Variants in PCDHGA5 observed in about 807,000 individuals in gnomAD.
PCDHGA5 encodes protocadherin gamma-A5.
PCDHGA5 carries 36 observed loss-of-function variants against 56.7 expected under a neutral mutation model. The observed-to-expected ratio is 0.64, with a 90% CI of 0.49 to 0.84. The LOEUF is 0.84. Ranked by LOEUF, PCDHGA5 falls within the 40% of genes least tolerant of loss-of-function variation. The pLI is 0.00. For synonymous variants in PCDHGA5, 563 were observed against 520.2 expected, an observed-to-expected ratio of 1.08 and a Z score of -1.12; for missense variants, 1,305 against 1,201.5, an observed-to-expected ratio of 1.09 and a Z score of -1.27.
rs1012728568 is a variant in PCDHGA5 at position 141,495,487 on chromosome 5, T to C, written c.2480+622T>C. Among the ~76,000 whole-genome samples, 22 of 152,328 alleles carry C rather than the reference T, an allele frequency of 1.4e-4. 1 individual carries two copies. The East Asian group carries it at 4.1e-3, about 28-fold the overall frequency. ...GGGGTCTCCGTGTCTCTGCCCCTTT[T>C]TCTTGAGTTTCCGTCTTTGCCACTT... On this transcript the variant is annotated intron_variant, in intron 2 of 3. Coordinates refer to ENST00000518069, the MANE Select transcript of PCDHGA5 (RefSeq NM_018918.3).
chr5:141,370,949 C>A (rs1317760178), intron 1 of PCDHGA5: 2 of 1,613,980 alleles, frequency 1.2e-6, no homozygotes, highest in East Asian at 2.2e-5. Context: ...AGAAGGAGAA[C>A]CTGGATGGCA....
rs70988800 is a variant in PCDHGA5 at position 141,379,889 on chromosome 5, C to CTTTTTTTTTTTTTTTT, written c.2421+13153_2421+13168dup. 2.0e-3 allele frequency among the ~76,000 whole-genome samples: 102 copies of CTTTTTTTTTTTTTTTT among 50,818 alleles called. 16 individuals carry two copies. The highest frequency in any genetic ancestry group is 2.6e-3 in the Non-Finnish European group (66 of 25,878). The allele number at this position is 50,818 out of a possible 152,430, so 33.3% of individuals were successfully genotyped here. On this transcript the variant is annotated intron_variant, in intron 1 of 3. Transcript: ENST00000518069. Reference sequence around the variant, plus strand: ...CTTATTTTATGGTCTGTGAAAGCCTCTTTTTTTTTTTTTTTTTTTTTTTTT... The same window carrying CTTTTTTTTTTTTTTTT: ...CTTATTTTATGGTCTGTGAAAGCCTCTTTTTTTTTTTTTTTTTTTTTTTTTTTTTTTTTTTTTTTTT...
chr5:141,444,589 C>A (rs1198742574), intron 1 of PCDHGA5, among the ~76,000 whole-genome samples: 1 of 152,068 alleles, frequency 6.6e-6, no homozygotes, highest in Non-Finnish European at 1.5e-5. Context: ...TTTCTACTTA[C>A]CTTATTTAAA....
Position 141,491,498 on chromosome 5 carries a change from C to G in PCDHGA5, c.2422-3309C>G. Reference sequence around the variant, plus strand: ...TCCAGCCCCAACCTGCAGGTGAGCTCGGACGGCACGCTCAAGTACATGGAG... The same window carrying G: ...TCCAGCCCCAACCTGCAGGTGAGCTGGGACGGCACGCTCAAGTACATGGAG... On this transcript the variant is annotated intron_variant, in intron 1 of 3. Transcript: ENST00000518069. The surrounding 1 kb of genome is among the most constrained non-coding windows in gnomAD (Gnocchi z 6.9). The G allele has an allele frequency of 6.2e-7, 1 of 1,614,102 alleles. No homozygotes were observed. Among genetic ancestry groups the G allele is most frequent in the Non-Finnish European group, 8.5e-7 (1 of 1,180,018 alleles).
Position 141,366,283 on chromosome 5 carries a change from G to A in PCDHGA5, c.1953G>A (p.Gln651=), listed in dbSNP as rs1283624984. 10 of 1,613,592 alleles carry A rather than the reference G, an allele frequency of 6.2e-6. No individual in the cohort carries two copies. Among genetic ancestry groups the A allele is most frequent in the Non-Finnish European group, 8.5e-6 (10 of 1,180,016 alleles). ...TGGTGGCCGTCGAAGACCATGGCCA[G>A]CCCCCTCTGTCAGCCACCTTCACGG... is the stretch of plus-strand genomic sequence containing the variant. ...SLVVAVEDHG[Q]PPLSATFTVT... is the part of the protein sequence containing the mutation. The change falls in exon 1 of 4, where the codon CAG becomes CAA. Residue 651 remains glutamine (Q), a synonymous_variant. Coordinates refer to ENST00000518069, the MANE Select transcript of PCDHGA5 (RefSeq NM_018918.3).
Position 141,432,410 on chromosome 5 carries a change from T to C in PCDHGA5, c.2422-62397T>C. On this transcript the variant is annotated intron_variant, in intron 1 of 3. Transcript: ENST00000518069. This position sits in a 1 kb window ranked among gnomAD's most constrained non-coding sequence, Gnocchi z 6.0. The stretch of plus-strand genomic sequence containing the variant: ...CAGCAGCAACGTGTCGTTGAGCCTG[T>C]TCGTGCTGGACCAGAACGACAATGC... 6.2e-7 allele frequency: 1 copy of C among 1,614,228 alleles called. No homozygotes were observed. Among genetic ancestry groups the C allele is most frequent in the East Asian group, 2.2e-5 (1 of 44,884 alleles).
chr5:141,484,277 G>T (rs1026083889), intron 1 of PCDHGA5, among the ~76,000 whole-genome samples: 1 of 152,126 alleles, frequency 6.6e-6, no homozygotes, highest in South Asian at 2.1e-4. Context: ...TTACTGTTTT[G>T]AAACATCTCC....
intron 1 of PCDHGA5, chr5:141,395,603 G>C: frequency 5.0e-6 from 1 of 198,204 alleles, no homozygotes; most frequent in Non-Finnish European, 1.0e-5. Context: ...TCCCAAACTA[G>C]AACTTCAGAA....
chr5:141,399,310 A>G, intron 1 of PCDHGA5: 2 of 1,613,936 alleles, frequency 1.2e-6, no homozygotes, highest in Non-Finnish European at 1.7e-6. Context: ...CTCTTCATCC[A>G]AAAATTCGTA....
At chr5:141,372,314 G>T (rs369724462) in intron 1 of PCDHGA5, 1 of 1,613,578 alleles carries the variant, frequency 6.2e-7, no homozygotes, top group East Asian at 2.2e-5. Context: ...CCGCCCGCCA[G>T]CGCCTGCTGG....
At chr5:141,418,307 A>C (rs372854408) in intron 1 of PCDHGA5, 24 of 1,613,982 alleles carry the variant, frequency 1.5e-5, no homozygotes, top group Non-Finnish European at 2.0e-5. Context: ...CAGCCTGGGG[A>C]TGGGAACAAT....
chr5:141,489,380 A>T lies in PCDHGA5; in HGVS notation c.2422-5427A>T, dbSNP rs753226956. 1 of 1,613,874 alleles carries T rather than the reference A, an allele frequency of 6.2e-7. No homozygotes were observed. The highest frequency in any genetic ancestry group is 2.2e-5 in the East Asian group (1 of 44,872). On this transcript the variant is annotated intron_variant, in intron 1 of 3. Transcript: ENST00000518069. The surrounding 1 kb of genome is among the most constrained non-coding windows in gnomAD (Gnocchi z 4.5). ...TCTGAGCCGGGGACGCTGGTGGGGA[A>T]TGTTGCTCAGGATCTGGGCTTAAAG... is the stretch of plus-strand genomic sequence containing the variant.
chr5:141,364,663 G>A lies in PCDHGA5; in HGVS notation c.333G>A (p.Glu111=). ...TGGTGAACTTTAACATCTTGGTTGAGAACAAAATGAAAATTTATGGAGTAG... is the reference window on the plus strand; with the variant it reads ...TGGTGAACTTTAACATCTTGGTTGAAAACAAAATGAAAATTTATGGAGTAG... ...LCVVNFNILV[E]NKMKIYGVEV... is the part of the protein sequence containing the mutation. Residue 111 remains glutamate (E), a synonymous_variant, in exon 1 of 4, where the codon GAG becomes GAA. Coordinates refer to ENST00000518069, the MANE Select transcript of PCDHGA5 (RefSeq NM_018918.3). 6.2e-7 allele frequency: 1 copy of A among 1,614,042 alleles called. No individual in the cohort carries two copies. Among genetic ancestry groups the A allele is most frequent in the Non-Finnish European group, 8.5e-7 (1 of 1,179,910 alleles).
chr5:141,382,839 T>A lies in PCDHGA5; in HGVS notation c.2421+16088T>A. 4 of 1,450,270 alleles carry A rather than the reference T, an allele frequency of 2.8e-6. No individual in the cohort carries two copies. In the South Asian group the frequency reaches 5.5e-5, roughly 20 times the overall value. 89.8% of individuals were successfully genotyped at this position (1,450,270 alleles called of 1,614,324 possible). A position where few individuals can be genotyped will look rare whatever the true frequency, so the allele number is the denominator to read the frequency against. On this transcript the variant is annotated intron_variant, in intron 1 of 3. Coordinates refer to ENST00000518069, the MANE Select transcript of PCDHGA5 (RefSeq NM_018918.3). ...CCTAAGACAGAGGGGTCCACCCGGA[T>A]ACACCCGCATTCTGAAGCACTTCCC...
intron 1 of PCDHGA5, among the ~76,000 whole-genome samples, chr5:141,460,124 A>AAT (rs2098982741): frequency 6.6e-6 from 1 of 152,052 alleles, no homozygotes; most frequent in African/African-American, 2.4e-5. Context: ...TTATATATGT[A>AAT]ATATATATAT....
chr5:141,476,839 G>A lies in PCDHGA5; in HGVS notation c.2422-17968G>A, dbSNP rs372676286. The A allele has an allele frequency of 5.0e-6, 8 of 1,613,490 alleles. No homozygotes were observed. Among genetic ancestry groups the A allele is most frequent in the South Asian group, 1.1e-5 (1 of 91,088 alleles). On this transcript the variant is annotated intron_variant, in intron 1 of 3. Transcript: ENST00000518069. The surrounding 1 kb of genome is among the most constrained non-coding windows in gnomAD (Gnocchi z 7.6). ...AGGTGCTGGACGCGAATGACAATGC[G>A]CCTGTCTTCAACCAGTCCTTGTACC...
In PCDHGA5 at chr5:141,511,342, C is replaced by G. The variant is rs2099883728; in HGVS notation, c.*169C>G. The stretch of plus-strand genomic sequence containing the variant: ...AACAAGTGCCCAGTCAGCACCTACC[C>G]CTTCCCCCCCAGGGGGTTGAATATG... On this transcript the variant is annotated 3_prime_UTR_variant, in exon 4 of 4. Coordinates refer to ENST00000518069, the MANE Select transcript of PCDHGA5 (RefSeq NM_018918.3). 1 of 1,424,960 alleles carries G rather than the reference C, an allele frequency of 7.0e-7. No homozygotes were observed. Among genetic ancestry groups the G allele is most frequent in the Admixed American group, 2.6e-5 (1 of 38,556 alleles). 88.3% of individuals were successfully genotyped at this position (1,424,960 alleles called of 1,614,324 possible).
intron 1 of PCDHGA5, among the ~76,000 whole-genome samples, chr5:141,482,048 G>A (rs375214441): frequency 1.3e-5 from 2 of 150,044 alleles, no homozygotes; most frequent in Non-Finnish European, 2.9e-5. Flanking sequence ...TCATGCTGTT[G>A]CATTCCAGCC....
At chr5:141,403,612 G>A (rs1314297922) in intron 1 of PCDHGA5, 1 of 1,613,854 alleles carries the variant, frequency 6.2e-7, no homozygotes, top group Non-Finnish European at 8.5e-7. Flanking sequence ...GCGGCGAGCC[G>A]CGTCGCTCCA....
Sources: allele counts gnomAD v4.1 joint callset (sites outside exome capture counted in the v4.1 genomes callset), GRCh38; gene constraint gnomAD v4.1.1; non-coding constraint Gnocchi (gnomAD v3.1); transcripts MANE v1.5; gene names NCBI Gene and HGNC (gene_info 2026-07-23, HGNC 2026-07-21).